The following WHRN variants were observed in gnomAD, a reference collection of about 807,000 sequenced individuals.
WHRN encodes whirlin.
Under a neutral mutation model 68.3 loss-of-function variants are expected in WHRN, and 41 were observed. The observed-to-expected ratio is 0.60, with a 90% CI of 0.47 to 0.78. The LOEUF is 0.78. WHRN is among the 30% of genes least tolerant of loss of function. WHRN has a pLI of 0.00. For missense variants in WHRN, 1,243 were observed against 1,244.7 expected, an observed-to-expected ratio of 1.00 and a Z score of 0.02; for synonymous variants, 560 against 561.3, an observed-to-expected ratio of 1.00 and a Z score of 0.03.
At chr9:114,495,454 G>A (rs1443547365) in intron 1 of WHRN, among the ~76,000 whole-genome samples, 1 of 152,174 alleles carries the variant, frequency 6.6e-6, no homozygotes, top group Admixed American at 6.5e-5. Context: ...GCCTCCCTGG[G>A]GCTGGTGCAA....
intron 4 of WHRN, 134 bp from the exon 5 acceptor site, chr9:114,425,158 A>C (rs1241596646): frequency 5.6e-6 from 5 of 894,846 alleles, no homozygotes; most frequent in Non-Finnish European, 9.5e-6. Flanking sequence ...ACTCGCTGCC[A>C]GTTCAGTCTG....
chr9:114,428,573 T>G (rs990964510), intron 3 of WHRN, among the ~76,000 whole-genome samples: 1 of 151,950 alleles, frequency 6.6e-6, no homozygotes, highest in South Asian at 2.1e-4. Flanking sequence ...TGAAAAGGAG[T>G]GCTGATTTGC....
At chr9:114,444,876 T>A (rs938881918) in intron 3 of WHRN, among the ~76,000 whole-genome samples, 2 of 151,902 alleles carry the variant, frequency 1.3e-5, no homozygotes, top group African/African-American at 2.4e-5. Context: ...AACAGTCTGA[T>A]CCCAGTTTTG....
chr9:114,464,454 G>C (rs1240345407), intron 3 of WHRN, among the ~76,000 whole-genome samples: 3 of 152,094 alleles, frequency 2.0e-5, no homozygotes, highest in African/African-American at 7.2e-5. Context: ...CCTTCTTACT[G>C]TGTCCTCACA....
chr9:114,457,318 G>A (rs751388531), intron 3 of WHRN, among the ~76,000 whole-genome samples: 5 of 152,152 alleles, frequency 3.3e-5, no homozygotes, highest in Non-Finnish European at 7.4e-5. Context: ...GTAAAGACAT[G>A]CTGTAAAGTA....
At chr9:114,503,513 T>C (rs1182821579) in intron 1 of WHRN, 3 of 152,570 alleles carry the variant, frequency 2.0e-5, no homozygotes, top group Non-Finnish European at 4.4e-5. Context: ...TGAGGTTATA[T>C]TTCTCAATTA....
chr9:114,436,217 C>T (rs1014979147), intron 3 of WHRN, among the ~76,000 whole-genome samples: 1 of 152,126 alleles, frequency 6.6e-6, no homozygotes, highest in African/African-American at 2.4e-5. Flanking sequence ...TTGCCTGAGG[C>T]TCAGGGAAGG....
chr9:114,449,671 C>A (rs1283188517), intron 3 of WHRN, among the ~76,000 whole-genome samples: 1 of 152,086 alleles, frequency 6.6e-6, no homozygotes, highest in Non-Finnish European at 1.5e-5. Context: ...GAGGCTACAG[C>A]AATCACTCAG....
intron 3 of WHRN, among the ~76,000 whole-genome samples, chr9:114,431,794 G>C (rs550937004): frequency 1.3e-4 from 20 of 152,272 alleles, no homozygotes; most frequent in African/African-American, 4.8e-4. Context: ...GTATCCATCG[G>C]GGCCTTCCAA....
intron 4 of WHRN, 126 bp downstream of exon 4, chr9:114,426,085 G>C: frequency 8.1e-7 from 1 of 1,228,868 alleles, no homozygotes; most frequent in African/African-American, 1.5e-5. Context: ...TGCCAATGGA[G>C]GGCCCTGGTG....
At chr9:114,441,238 C>G (rs1312629091) in intron 3 of WHRN, among the ~76,000 whole-genome samples, 1 of 151,470 alleles carries the variant, frequency 6.6e-6, no homozygotes, top group Non-Finnish European at 1.5e-5. Flanking sequence ...GGCTTCAGGT[C>G]AATAGTAGGC....
In WHRN at chr9:114,505,215, T is replaced by G; in HGVS notation, c.-414A>C. 1 of 165,808 alleles carries G rather than the reference T, an allele frequency of 6.0e-6. No individual in the cohort carries two copies. The highest frequency in any genetic ancestry group is 1.3e-5 in the Non-Finnish European group (1 of 77,692). 10.3% of individuals were successfully genotyped at this position (165,808 alleles called of 1,614,324 possible). ...CTGACCTGACTGCCCCGTCACACCA[T>G]GCCCGGGGCTCCCCCAGCCGGGCGC... On this transcript the variant is annotated 5_prime_UTR_variant, in exon 1 of 12. An upstream start codon of the reference 5' UTR is lost. Transcript: ENST00000362057.
At chr9:114,471,953 A>G (rs1841258940) in intron 2 of WHRN, among the ~76,000 whole-genome samples, 1 of 152,240 alleles carries the variant, frequency 6.6e-6, no homozygotes, top group South Asian at 2.1e-4. Context: ...CAATGAGCCC[A>G]AGGCAAGAGC....
chr9:114,478,513 G>A (rs749323762), intron 2 of WHRN, 40 bp downstream of exon 2: 5 of 1,606,026 alleles, frequency 3.1e-6, no homozygotes, highest in South Asian at 2.2e-5. Context: ...GGGAGAATAC[G>A]GTGTCTGAGA....
chr9:114,472,426 A>G (rs987091587), intron 2 of WHRN, among the ~76,000 whole-genome samples: 1 of 152,154 alleles, frequency 6.6e-6, no homozygotes, highest in Non-Finnish European at 1.5e-5. Context: ...CCCAGATAGG[A>G]CGGATCCGTG....
intron 2 of WHRN, among the ~76,000 whole-genome samples, chr9:114,470,779 C>G (rs1412331193): frequency 6.6e-6 from 1 of 152,158 alleles, no homozygotes; most frequent in Non-Finnish European, 1.5e-5. Context: ...CACCCAGGAT[C>G]TAGCCCAGCT....
intron 3 of WHRN, among the ~76,000 whole-genome samples, chr9:114,455,822 A>G (rs979640951): frequency 6.6e-6 from 1 of 152,186 alleles, no homozygotes; most frequent in Non-Finnish European, 1.5e-5. Context: ...ACCTATAGTA[A>G]GTTGAAAATA....
At chr9:114,440,178 G>A (rs996939443) in intron 3 of WHRN, among the ~76,000 whole-genome samples, 3 of 152,124 alleles carry the variant, frequency 2.0e-5, no homozygotes, top group Non-Finnish European at 4.4e-5. Context: ...CTCCCAAAGT[G>A]CTGGGATTAC....
chr9:114,478,743 A>C lies in WHRN; in HGVS notation c.647T>G (p.Leu216Arg). 6.2e-7 allele frequency: 1 copy of C among 1,612,606 alleles called. No individual in the cohort carries two copies. Among genetic ancestry groups the C allele is most frequent in the Non-Finnish European group, 8.5e-7 (1 of 1,179,974 alleles). ...GATGCGCCCTGCTGAGTACACAGAC[A>C]GCACCAGCTTCTTGGAGCCCTTCAG... ...KALKGSKKLVLSVYSAGRIPG... is the reference protein window; with the variant it reads ...KALKGSKKLVRSVYSAGRIPG... The change falls in exon 2 of 12, where the codon CTG (leucine) becomes CGG (arginine). Residue 216 changes from leucine (L) to arginine (R), a missense_variant. Coordinates refer to ENST00000362057, the MANE Select transcript of WHRN (RefSeq NM_015404.4).
Sources: gnomAD v4.1 joint callset for allele counts (sites outside exome capture counted in the v4.1 genomes callset) on GRCh38, gnomAD v4.1.1 for gene constraint, MANE v1.5 for transcripts, NCBI Gene and HGNC (gene_info 2026-07-23, HGNC 2026-07-21) for gene names.